Variants in PRKD1 observed in about 807,000 individuals in gnomAD.
PRKD1 encodes protein kinase D1, also known as serine/threonine-protein kinase D1.
Under a neutral mutation model 95.9 loss-of-function variants are expected in PRKD1, and 63 were observed. The ratio of observed to expected loss-of-function variants is 0.66; its 90% CI spans 0.54 to 0.81. The LOEUF (loss-of-function observed/expected upper bound fraction) is 0.81. Ranked by LOEUF, PRKD1 falls within the 30% of genes least tolerant of loss-of-function variation. PRKD1 has a pLI of 0.00. For synonymous variants in PRKD1, 425 were observed against 423.1 expected (o/e 1.00, Z -0.05); for missense variants, 1,048 against 1,165.3 (o/e 0.90, Z 1.47).
chr14:29,849,118 G>C (rs1892195845), intron 1 of PRKD1, among the ~76,000 whole-genome samples: 1 of 152,178 alleles, frequency 6.6e-6, no homozygotes, highest in Non-Finnish European at 1.5e-5. Flanking sequence ...TGTGGGGCCT[G>C]GTGGGAAGTG....
At chr14:29,623,403 G>T (rs10149837) in intron 13 of PRKD1, among the ~76,000 whole-genome samples, 1 of 152,060 alleles carries the variant, frequency 6.6e-6, no homozygotes, top group African/African-American at 2.4e-5. Flanking sequence ...AAAAAAAATT[G>T]TCCGTTAAAA....
At chr14:29,787,550 C>G (rs368114771) in intron 1 of PRKD1, among the ~76,000 whole-genome samples, 1 of 152,010 alleles carries the variant, frequency 6.6e-6, no homozygotes, top group Non-Finnish European at 1.5e-5. Flanking sequence ...TATACCCTCA[C>G]GCAGAATTGA....
chr14:29,760,999 C>T (rs1269059996), intron 1 of PRKD1, among the ~76,000 whole-genome samples: 1 of 152,038 alleles, frequency 6.6e-6, no homozygotes, highest in African/African-American at 2.4e-5. Flanking sequence ...CTGCAGTGCA[C>T]TGGTGTGATC....
intron 1 of PRKD1, among the ~76,000 whole-genome samples, chr14:29,737,655 G>C (rs1886792519): frequency 6.6e-6 from 1 of 152,132 alleles, no homozygotes; most frequent in Non-Finnish European, 1.5e-5. Flanking sequence ...CACATCGTGT[G>C]ATCAAGTGTT....
chr14:29,920,924 A>G (rs1895078215), intron 1 of PRKD1, among the ~76,000 whole-genome samples: 1 of 152,252 alleles, frequency 6.6e-6, no homozygotes, highest in Non-Finnish European at 1.5e-5. Context: ...TGTTAGCATG[A>G]CAGCAAATTG....
intron 1 of PRKD1, among the ~76,000 whole-genome samples, chr14:29,843,503 C>T (rs575568329): frequency 4.6e-5 from 7 of 152,242 alleles, no homozygotes; most frequent in Admixed American, 3.3e-4. Flanking sequence ...TCTTCTACAG[C>T]CTGGTAAAGT....
chr14:29,683,583 A>G (rs1883659811), intron 2 of PRKD1, among the ~76,000 whole-genome samples: 1 of 152,232 alleles, frequency 6.6e-6, no homozygotes, highest in Admixed American at 6.5e-5. Flanking sequence ...CCACGTAAAG[A>G]GCCATAAAAG....
At chr14:29,820,206 T>C (rs371162061) in intron 1 of PRKD1, among the ~76,000 whole-genome samples, 119 of 152,336 alleles carry the variant, frequency 7.8e-4, no homozygotes, top group African/African-American at 2.7e-3. Context: ...TTCTGGCTAC[T>C]ACCCGGGTGG....
At chr14:29,894,488 G>A (rs762410113) in intron 1 of PRKD1, among the ~76,000 whole-genome samples, 1 of 152,202 alleles carries the variant, frequency 6.6e-6, no homozygotes, top group African/African-American at 2.4e-5. Context: ...GACATATGGA[G>A]AATATTCTAG....
chr14:29,595,343 A>G (rs1893262624), intron 16 of PRKD1, among the ~76,000 whole-genome samples: 2 of 152,194 alleles, frequency 1.3e-5, no homozygotes, highest in African/African-American at 2.4e-5. Context: ...GTAAAGTCCA[A>G]AGTGATTCTC....
At chr14:29,724,116 C>T (rs1233047729) in intron 2 of PRKD1, among the ~76,000 whole-genome samples, 1 of 152,158 alleles carries the variant, frequency 6.6e-6, no homozygotes, top group African/African-American at 2.4e-5. Flanking sequence ...AATAAGCAGT[C>T]CTCTCCTACA....
intron 1 of PRKD1, among the ~76,000 whole-genome samples, chr14:29,822,336 T>G (rs895675233): frequency 1.3e-5 from 2 of 152,248 alleles, no homozygotes; most frequent in African/African-American, 4.8e-5. Flanking sequence ...GATCTGAATT[T>G]CATCTTACGG....
At chr14:29,889,257 A>C (rs1313610221) in intron 1 of PRKD1, among the ~76,000 whole-genome samples, 1 of 152,202 alleles carries the variant, frequency 6.6e-6, no homozygotes, top group Non-Finnish European at 1.5e-5. Context: ...TGAAAACAAC[A>C]CCTAAAGATG....
At chr14:29,707,949 T>C (rs1885167754) in intron 2 of PRKD1, among the ~76,000 whole-genome samples, 1 of 152,136 alleles carries the variant, frequency 6.6e-6, no homozygotes, top group Admixed American at 6.6e-5. Context: ...TAATGACATA[T>C]CAATCTTCAT....
chr14:29,891,728 A>C (rs951962971), intron 1 of PRKD1, among the ~76,000 whole-genome samples: 2 of 151,962 alleles, frequency 1.3e-5, no homozygotes, highest in African/African-American at 2.4e-5. Context: ...ATTTCTAAAC[A>C]ATGCACGTAT....
intron 4 of PRKD1, chr14:29,657,408 G>T (rs980322461): frequency 2.0e-5 from 3 of 151,962 alleles, no homozygotes; most frequent in African/African-American, 7.3e-5. Context: ...TGATTTTTTT[G>T]CAGTGTTGAA....
At chr14:29,780,808 T>C (rs1010109335) in intron 1 of PRKD1, among the ~76,000 whole-genome samples, 9 of 152,194 alleles carry the variant, frequency 5.9e-5, no homozygotes, top group South Asian at 2.1e-4. Context: ...CAAAGGATTA[T>C]AAATCATGCT....
At chr14:29,692,221 T>TC (rs1490538644) in intron 2 of PRKD1, among the ~76,000 whole-genome samples, 2 of 151,874 alleles carry the variant, frequency 1.3e-5, no homozygotes, top group East Asian at 3.9e-4. Flanking sequence ...TTTTTTTTTT[T>TC]TAAATATAGA....
intron 16 of PRKD1, among the ~76,000 whole-genome samples, chr14:29,584,995 C>A (rs1892869742): frequency 6.6e-6 from 1 of 152,162 alleles, no homozygotes; most frequent in African/African-American, 2.4e-5. Context: ...ATAGAACAAT[C>A]ATTCTGGTGA....
Sources: gnomAD v4.1 joint callset for allele counts (sites outside exome capture counted in the v4.1 genomes callset) on GRCh38, gnomAD v4.1.1 for gene constraint, MANE v1.5 for transcripts, NCBI Gene and HGNC (gene_info 2026-07-23, HGNC 2026-07-21) for gene names.